Variants in BRINP3 observed in about 807,000 individuals in gnomAD.
The protein encoded by BRINP3 is BMP/retinoic acid inducible neural specific 3.
A neutral mutation model predicts 71.0 loss-of-function variants in BRINP3; 19 were observed. The ratio of observed to expected loss-of-function variants is 0.27; its 90% CI spans 0.19 to 0.39. BRINP3 has a LOEUF of 0.39. BRINP3 is among the 10% of genes least tolerant of loss of function. The probability of loss-of-function intolerance (pLI) is 1.00; values close to 1 mark genes in which losing one functional copy is unlikely to be tolerated. For synonymous variants in BRINP3, 380 were observed against 337.7 expected (o/e 1.13, Z -1.37); for missense variants, 959 against 940.8 (o/e 1.02, Z -0.25).
At chr1:190,099,763 C>T (rs1313235472) in intron 7 of BRINP3, among the ~76,000 whole-genome samples, 1 of 152,158 alleles carries the variant, frequency 6.6e-6, no homozygotes, top group Non-Finnish European at 1.5e-5. Flanking sequence ...TTCTTACAGG[C>T]TGCTCAAGAA....
chr1:190,201,379 C>T (rs1367069554), intron 6 of BRINP3, among the ~76,000 whole-genome samples: 1 of 150,206 alleles, frequency 6.7e-6, no homozygotes, highest in African/African-American at 2.4e-5. Flanking sequence ...CTGTTAAAGG[C>T]ATTCAATTTT....
At chr1:190,367,117 C>T (rs1016418208) in intron 2 of BRINP3, among the ~76,000 whole-genome samples, 51 of 152,186 alleles carry the variant, frequency 3.4e-4, no homozygotes, top group African/African-American at 1.2e-3. Context: ...CCTCACATTT[C>T]TCTTTTTCAT....
intron 6 of BRINP3, among the ~76,000 whole-genome samples, chr1:190,172,331 T>A (rs1333829889): frequency 6.6e-5 from 10 of 151,690 alleles, no homozygotes; most frequent in Non-Finnish European, 1.0e-4. Flanking sequence ...TTTTATCATG[T>A]TATGTTTATA....
At chr1:190,314,236 T>G (rs1558173240) in intron 2 of BRINP3, among the ~76,000 whole-genome samples, 1 of 152,014 alleles carries the variant, frequency 6.6e-6, no homozygotes, top group Non-Finnish European at 1.5e-5. Flanking sequence ...GGAAACATAT[T>G]GGAAAAATAA....
At chr1:190,358,262 C>T (rs761052632) in intron 2 of BRINP3, among the ~76,000 whole-genome samples, 35 of 152,256 alleles carry the variant, frequency 2.3e-4, no homozygotes, top group Non-Finnish European at 4.7e-4. Flanking sequence ...ATCTACTCAT[C>T]TGACAAAGGG....
chr1:190,235,558 A>G (rs1021931567), intron 4 of BRINP3, among the ~76,000 whole-genome samples: 3 of 151,968 alleles, frequency 2.0e-5, no homozygotes, highest in African/African-American at 4.8e-5. Context: ...ACACCATATT[A>G]CCCAGCTCCG....
intron 2 of BRINP3, among the ~76,000 whole-genome samples, chr1:190,430,021 A>T (rs541992619): frequency 2.0e-3 from 303 of 152,296 alleles, no homozygotes; most frequent in Non-Finnish European, 3.7e-3. Context: ...GAAATATTTT[A>T]TATCTATAGA....
At chr1:190,269,013 A>G (rs1277661149) in intron 3 of BRINP3, among the ~76,000 whole-genome samples, 1 of 152,164 alleles carries the variant, frequency 6.6e-6, no homozygotes, top group Non-Finnish European at 1.5e-5. Flanking sequence ...AAAGTAAGAA[A>G]GACTTAAAAA....
intron 6 of BRINP3, among the ~76,000 whole-genome samples, chr1:190,201,422 T>C (rs1558059458): frequency 1.3e-5 from 2 of 151,990 alleles, no homozygotes; most frequent in African/African-American, 2.4e-5. Context: ...ATTTGGAAAA[T>C]TTGCTGCCTG....
intron 4 of BRINP3, among the ~76,000 whole-genome samples, chr1:190,246,974 C>A (rs1377235697): frequency 6.6e-6 from 1 of 151,948 alleles, no homozygotes; most frequent in Non-Finnish European, 1.5e-5. Flanking sequence ...CTTTATATTA[C>A]TCAGGCACCT....
intron 4 of BRINP3, among the ~76,000 whole-genome samples, chr1:190,237,608 A>G (rs772964433): frequency 6.6e-6 from 1 of 151,860 alleles, no homozygotes; most frequent in Admixed American, 6.6e-5. Context: ...TGTTTCCCCT[A>G]TCCTTTTGCC....
At chr1:190,220,824 A>G (rs1656819190) in intron 6 of BRINP3, among the ~76,000 whole-genome samples, 1 of 152,174 alleles carries the variant, frequency 6.6e-6, no homozygotes, top group Admixed American at 6.6e-5. Context: ...TGCCAAAAAA[A>G]AGTTTTCAAG....
At chr1:190,111,201 A>C (rs1031182943) in intron 7 of BRINP3, among the ~76,000 whole-genome samples, 8 of 150,194 alleles carry the variant, frequency 5.3e-5, no homozygotes, top group South Asian at 2.1e-4. Context: ...AAAAAAAAAA[A>C]AAAAAAACTT....
Position 190,151,146 on chromosome 1 carries a change from CA to C in BRINP3, c.1184+9521del, listed in dbSNP as rs888999040. Reference sequence around the variant, plus strand: ...TGGGTGACAGAGCAAGACTCAGTCTCAAAAAAAAAGAAAAAAGAAAAAATGA... The same window carrying C: ...TGGGTGACAGAGCAAGACTCAGTCTCAAAAAAAAGAAAAAAGAAAAAATGA... On this transcript the variant is annotated intron_variant, in intron 7 of 7. Transcript: ENST00000367462. Among the ~76,000 whole-genome samples the C allele has an allele frequency of 4.1e-5, 6 of 146,874 alleles. No homozygotes were observed. The South Asian group carries it at 8.6e-4, about 21-fold the overall frequency.
At chr1:190,401,799 A>G (rs1671946896) in intron 2 of BRINP3, among the ~76,000 whole-genome samples, 1 of 152,168 alleles carries the variant, frequency 6.6e-6, no homozygotes, top group Non-Finnish European at 1.5e-5. Context: ...TAGTTGTCCA[A>G]TAATGTTATT....
chr1:190,142,771 C>A (rs1339890137), intron 7 of BRINP3, among the ~76,000 whole-genome samples: 1 of 150,758 alleles, frequency 6.6e-6, no homozygotes, highest in Non-Finnish European at 1.5e-5. Context: ...ATGCCTGAGA[C>A]AAGTTAATCT....
At chr1:190,315,410 C>T (rs976771082) in intron 2 of BRINP3, among the ~76,000 whole-genome samples, 2 of 152,048 alleles carry the variant, frequency 1.3e-5, no homozygotes, top group Non-Finnish European at 2.9e-5. Flanking sequence ...TAAGAACAAA[C>T]TTTCAAAAGG....
chr1:190,214,834 C>A (rs1288356247), intron 6 of BRINP3, among the ~76,000 whole-genome samples: 2 of 151,898 alleles, frequency 1.3e-5, no homozygotes, highest in Non-Finnish European at 2.9e-5. Context: ...GATTACCTAG[C>A]CTGTCCTTAA....
chr1:190,326,116 A>C (rs1666563352), intron 2 of BRINP3, among the ~76,000 whole-genome samples: 1 of 151,976 alleles, frequency 6.6e-6, no homozygotes, highest in South Asian at 2.1e-4. Context: ...GGATTGAAAA[A>C]CTCACTTAGG....
Sources: gnomAD v4.1 joint callset for allele counts (sites outside exome capture counted in the v4.1 genomes callset) on GRCh38, gnomAD v4.1.1 for gene constraint, MANE v1.5 for transcripts, NCBI Gene and HGNC (gene_info 2026-07-23, HGNC 2026-07-21) for gene names.